Variants in PTK2 observed in about 807,000 individuals in gnomAD.
PTK2 encodes the protein protein tyrosine kinase 2.
PTK2 carries 45 observed loss-of-function variants against 150.1 expected under a neutral mutation model. The observed-to-expected ratio is 0.30, with a 90% CI of 0.24 to 0.38. The LOEUF is 0.38. Among genes scored for constraint, PTK2 ranks in the 10% least tolerant of loss-of-function variants. The pLI, the probability that PTK2 is intolerant of heterozygous loss-of-function variation, is 1.00. For synonymous variants in PTK2, 432 were observed against 449.2 expected, an observed-to-expected ratio of 0.96 and a Z score of 0.48; for missense variants, 919 against 1,307.3, an observed-to-expected ratio of 0.70 and a Z score of 4.58.
chr8:140,809,895 T>C (rs563092141), intron 10 of PTK2, among the ~76,000 whole-genome samples: 5 of 152,376 alleles, frequency 3.3e-5, no homozygotes, highest in Non-Finnish European at 1.5e-5. Flanking sequence ...CAGTTCTACC[T>C]AGTCTTTAAA....
chr8:140,920,667 C>G (rs1052793043), intron 2 of PTK2: 14 of 753,576 alleles, frequency 1.9e-5, no homozygotes, highest in Non-Finnish European at 2.7e-5. Flanking sequence ...TATGTAATAG[C>G]TGTAAACCCA....
At position 140,686,628 on chromosome 8, in the gene PTK2, T is replaced by C; in HGVS notation, c.2562+4A>G. On this transcript the variant is annotated splice_donor_region_variant and intron_variant, in intron 27 of 31. Transcript: ENST00000522684. ...ATCAAATCCTGCTGAAAACTCAGGC[T>C]TACCGGACCCTGAAGACTTCCATCC... 6.2e-7 allele frequency: 1 copy of C among 1,612,640 alleles called. No individual in the cohort carries two copies. Among genetic ancestry groups the C allele is most frequent in the Non-Finnish European group, 8.5e-7 (1 of 1,178,664 alleles).
intron 1 of PTK2, among the ~76,000 whole-genome samples, chr8:140,957,190 T>G (rs769534409): frequency 6.0e-4 from 92 of 152,238 alleles, no homozygotes; most frequent in African/African-American, 2.1e-3. Flanking sequence ...TCTTGGCACT[T>G]TGGGAGGCCG....
intron 26 of PTK2, among the ~76,000 whole-genome samples, chr8:140,696,266 T>G (rs780407046): frequency 6.6e-6 from 1 of 151,994 alleles, no homozygotes; most frequent in African/African-American, 2.4e-5. Context: ...TGAGAAACAT[T>G]AGAAGAAAAA....
intron 14 of PTK2, among the ~76,000 whole-genome samples, 183 bp downstream of exon 14, chr8:140,789,291 A>C (rs562499993): frequency 2.0e-5 from 3 of 152,188 alleles, no homozygotes; most frequent in African/African-American, 4.8e-5. Flanking sequence ...AAAAAAAAAA[A>C]AAAAAAACTA....
chr8:140,978,687 G>A (rs1438004066), intron 1 of PTK2, among the ~76,000 whole-genome samples: 3 of 151,932 alleles, frequency 2.0e-5, no homozygotes, highest in African/African-American at 7.3e-5. Flanking sequence ...TTCAACCATT[G>A]TGGAAGTCAG....
chr8:140,906,258 A>G (rs1016979289), intron 2 of PTK2, among the ~76,000 whole-genome samples: 6 of 152,138 alleles, frequency 3.9e-5, no homozygotes, highest in Non-Finnish European at 7.4e-5. Context: ...ATGCTTCCAC[A>G]CTCTGTTGGT....
chr8:140,848,643 AT>A (rs1445260703), intron 5 of PTK2, among the ~76,000 whole-genome samples: 1 of 151,722 alleles, frequency 6.6e-6, no homozygotes, highest in African/African-American at 2.4e-5. Context: ...GTCTAGAACT[AT>A]TCGTTTAACT....
intron 1 of PTK2, among the ~76,000 whole-genome samples, chr8:140,940,307 T>C (rs1187884973): frequency 6.6e-6 from 1 of 151,916 alleles, no homozygotes; most frequent in Non-Finnish European, 1.5e-5. Context: ...CTGGCCAAAA[T>C]AGTGAAACAA....
intron 1 of PTK2, among the ~76,000 whole-genome samples, chr8:140,980,945 A>T: frequency 7.1e-6 from 1 of 140,458 alleles, no homozygotes; most frequent in Non-Finnish European, 1.6e-5. Flanking sequence ...TATCTTTAGT[A>T]CAGCTGGGGT....
In PTK2 at chr8:140,800,442, C is replaced by G. The variant is rs575951595; in HGVS notation, c.1093+17G>C. On this transcript the variant is annotated intron_variant, in intron 12 of 31. Transcript: ENST00000522684. ...TGGTAGAAGCGCAATTGGGAATGCT[C>G]AGAAACAGCACCTCACCTTTCTGAG... 1 of 1,594,166 alleles carries G rather than the reference C, an allele frequency of 6.3e-7. No homozygotes were observed. Among genetic ancestry groups the G allele is most frequent in the East Asian group, 2.2e-5 (1 of 44,792 alleles).
intron 7 of PTK2, among the ~76,000 whole-genome samples, chr8:140,842,676 G>T (rs2100123025): frequency 2.0e-5 from 3 of 152,078 alleles, no homozygotes; most frequent in African/African-American, 7.2e-5. Flanking sequence ...TGGAGATAGG[G>T]TGCTGAATTC....
intron 1 of PTK2, among the ~76,000 whole-genome samples, chr8:140,984,831 A>G (rs1372363178): frequency 1.3e-5 from 2 of 152,048 alleles, no homozygotes; most frequent in Non-Finnish European, 2.9e-5. Context: ...TCCTAGAGTA[A>G]TAGACAATAA....
At chr8:140,750,133 T>G (rs951925034) in intron 17 of PTK2, 48 of 152,330 alleles carry the variant, frequency 3.2e-4, no homozygotes, top group African/African-American at 9.9e-4. Flanking sequence ...CTCTTGTACT[T>G]AAGTCAAAGT....
At chr8:140,945,782 T>C (rs2100177496) in intron 1 of PTK2, among the ~76,000 whole-genome samples, 1 of 152,122 alleles carries the variant, frequency 6.6e-6, no homozygotes, top group African/African-American at 2.4e-5. Context: ...ACACAGGCTT[T>C]TCAAGTCACC....
chr8:140,726,600 T>C (rs2100045976), intron 22 of PTK2, among the ~76,000 whole-genome samples: 1 of 151,556 alleles, frequency 6.6e-6, no homozygotes, highest in African/African-American at 2.4e-5. Context: ...TAAAAGAACA[T>C]CTTTAAGGTG....
intron 1 of PTK2, among the ~76,000 whole-genome samples, chr8:140,944,634 G>A (rs139411979): frequency 1.3e-5 from 2 of 152,286 alleles, no homozygotes; most frequent in African/African-American, 2.4e-5. Flanking sequence ...TCCTTCAGCC[G>A]CGACTCCTGA....
intron 1 of PTK2, among the ~76,000 whole-genome samples, chr8:140,941,012 T>C (rs1440406768): frequency 1.3e-5 from 2 of 152,020 alleles, no homozygotes; most frequent in East Asian, 3.8e-4. Flanking sequence ...ATTCAACATG[T>C]GTAATACAAC....
rs1489907825 is a variant in PTK2 at position 140,864,419 on chromosome 8, C to T, written c.363-20G>A. ...TCATATCTAAAAATAATTCACAAAACAGAACAATTAGAAATCAGTCATTTT... is the reference window on the plus strand; with the variant it reads ...TCATATCTAAAAATAATTCACAAAATAGAACAATTAGAAATCAGTCATTTT... On this transcript the variant is annotated intron_variant, in intron 4 of 31. Coordinates refer to ENST00000522684, the Ensembl canonical transcript of PTK2. The T allele has an allele frequency of 5.0e-6, 7 of 1,404,246 alleles. No homozygotes were observed. In the South Asian group the frequency reaches 8.7e-5, roughly 17 times the overall value. 87.0% of individuals were successfully genotyped at this position (1,404,246 alleles called of 1,614,324 possible). A position where few individuals can be genotyped will look rare whatever the true frequency, so the allele number is the denominator to read the frequency against.
Sources: allele counts gnomAD v4.1 joint callset (sites outside exome capture counted in the v4.1 genomes callset), GRCh38; gene constraint gnomAD v4.1.1; transcripts MANE v1.5; gene names NCBI Gene and HGNC (gene_info 2026-07-23, HGNC 2026-07-21).